Variants in SLC24A2 observed in about 807,000 individuals in gnomAD.
SLC24A2 encodes sodium/potassium/calcium exchanger 2.
A neutral mutation model predicts 62.0 loss-of-function variants in SLC24A2; 36 were observed. The observed-to-expected ratio is 0.58, with a 90% CI of 0.44 to 0.77. The LOEUF is 0.77. Among genes scored for constraint, SLC24A2 ranks in the 30% least tolerant of loss-of-function variants. SLC24A2 has a pLI of 0.00. For missense variants in SLC24A2, 846 were observed against 817.9 expected (o/e 1.03, Z -0.42); for synonymous variants, 358 against 294.0 (o/e 1.22, Z -2.23).
At chr9:20,116,818 G>A in the SLC24A2 span, among the ~76,000 whole-genome samples, 4 of 152,058 alleles carry the variant, frequency 2.6e-5, no homozygotes, top group South Asian at 2.1e-4. Flanking sequence ...TTGTTTCTGC[G>A]CTTAATGAAA....
the SLC24A2 span, among the ~76,000 whole-genome samples, chr9:20,258,240 A>T: frequency 6.6e-6 from 1 of 152,254 alleles, no homozygotes; most frequent in African/African-American, 2.4e-5. Flanking sequence ...GACCAGATTA[A>T]GGGATACCCA....
the SLC24A2 span, among the ~76,000 whole-genome samples, chr9:19,859,399 T>C: frequency 4.0e-3 from 609 of 152,236 alleles, 3 homozygotes; most frequent in African/African-American, 0.014. Context: ...TTGAGCACTA[T>C]GCTTATTACC....
At chr9:19,835,963 C>A in the SLC24A2 span, among the ~76,000 whole-genome samples, 1 of 152,148 alleles carries the variant, frequency 6.6e-6, no homozygotes, top group Non-Finnish European at 1.5e-5. Context: ...GAACAACCTG[C>A]TCCTGAATGA....
In SLC24A2 at chr9:19,786,313, G is replaced by T. The variant is rs2118947812; in HGVS notation, c.554C>A (p.Ser185Ter). ...AGATFMAAGG[S>*]APELFTSLIG... ...GAGAGATGTGAAAAGTTCTGGGGCT[G>T]ACCCTCCTGCAGCCATGAAGGTGGC... Residue 185 changes from serine to a stop codon, truncating the protein, a stop_gained, in exon 2 of 11, where the codon TCA becomes TAA. Transcript: ENST00000341998. LOFTEE classifies it high-confidence loss of function. This position sits in a 1 kb window ranked among gnomAD's most constrained non-coding sequence, Gnocchi z 5.0. 1.2e-6 allele frequency: 2 copies of T among 1,614,150 alleles called. No individual in the cohort carries two copies. Among genetic ancestry groups the T allele is most frequent in the South Asian group, 1.1e-5 (1 of 91,080 alleles).
chr9:19,911,841 G>A, the SLC24A2 span, among the ~76,000 whole-genome samples: 6 of 152,114 alleles, frequency 3.9e-5, no homozygotes, highest in Admixed American at 3.3e-4. Context: ...CAGCACACTG[G>A]GTTCTCTTTC....
the SLC24A2 span, among the ~76,000 whole-genome samples, chr9:20,063,041 G>A: frequency 8.5e-6 from 1 of 117,454 alleles, no homozygotes; most frequent in African/African-American, 3.6e-5. Flanking sequence ...TACACTGTTG[G>A]TGGGACTGTA....
chr9:19,848,031 C>A, the SLC24A2 span, among the ~76,000 whole-genome samples: 3 of 152,202 alleles, frequency 2.0e-5, no homozygotes, highest in Non-Finnish European at 4.4e-5. Context: ...CAACCATCAG[C>A]AACTACCTTG....
the SLC24A2 span, among the ~76,000 whole-genome samples, chr9:20,304,916 C>T: frequency 1.3e-5 from 2 of 151,894 alleles, no homozygotes; most frequent in African/African-American, 4.8e-5. Context: ...AGCAACCCTA[C>T]TGCCAGTCTC....
chr9:19,556,383 T>G (rs189795227), intron 7 of SLC24A2, among the ~76,000 whole-genome samples: 1 of 152,218 alleles, frequency 6.6e-6, no homozygotes, highest in Non-Finnish European at 1.5e-5. Flanking sequence ...GGTTTCTTAT[T>G]TTTTGTCTGT....
upstream of SLC24A2, among the ~76,000 whole-genome samples, chr9:19,791,549 C>A (rs930488441): frequency 2.6e-5 from 4 of 152,122 alleles, no homozygotes; most frequent in Non-Finnish European, 5.9e-5. Context: ...GACAGTTGAC[C>A]AAGAACTTGG....
At chr9:19,889,540 A>G in the SLC24A2 span, among the ~76,000 whole-genome samples, 3 of 152,050 alleles carry the variant, frequency 2.0e-5, no homozygotes, top group Middle Eastern at 3.2e-3. Context: ...TTCTTCCCCT[A>G]TTGTCTTTTC....
the SLC24A2 span, among the ~76,000 whole-genome samples, chr9:19,899,994 C>A: frequency 3.3e-5 from 5 of 152,142 alleles, no homozygotes; most frequent in Admixed American, 6.5e-5. Context: ...AACCATATCA[C>A]ATGTTATATG....
chr9:19,922,750 A>T, the SLC24A2 span, among the ~76,000 whole-genome samples: 1 of 152,154 alleles, frequency 6.6e-6, no homozygotes. Flanking sequence ...CCCTTCTGGG[A>T]TTCATTCCTA....
chr9:19,838,961 G>A, the SLC24A2 span, among the ~76,000 whole-genome samples: 5 of 152,034 alleles, frequency 3.3e-5, no homozygotes, highest in African/African-American at 1.2e-4. Context: ...GCAACCTACA[G>A]AATGGGAGAA....
Position 19,650,348 on chromosome 9 carries a change from C to A in SLC24A2, c.931-28049G>T, listed in dbSNP as rs76890498. Among the ~76,000 whole-genome samples, 1,255 of 152,222 alleles carry A rather than the reference C, an allele frequency of 8.2e-3. 18 individuals carry two copies. The highest frequency in any genetic ancestry group is 0.027 in the African/African-American group (1,134 of 41,522). On this transcript the variant is annotated intron_variant, in intron 2 of 10. Coordinates refer to ENST00000341998, the MANE Select transcript of SLC24A2 (RefSeq NM_020344.4). ...TGTCCACTGGGTAAGAGAAACAGAG[C>A]CCAAAATGGATTTCTGCAGGTACCC...
At chr9:19,570,755 A>G (rs1835814078) in intron 7 of SLC24A2, among the ~76,000 whole-genome samples, 1 of 152,218 alleles carries the variant, frequency 6.6e-6, no homozygotes, top group African/African-American at 2.4e-5. Context: ...AGATGAGGCA[A>G]CTAAATTAAA....
At chr9:19,533,719 C>T (rs970594095) in intron 8 of SLC24A2, among the ~76,000 whole-genome samples, 1 of 152,148 alleles carries the variant, frequency 6.6e-6, no homozygotes, top group Admixed American at 6.5e-5. Flanking sequence ...TGAGCACAAC[C>T]CAAATTGCCA....
At chr9:20,037,213 C>T in the SLC24A2 span, among the ~76,000 whole-genome samples, 1 of 152,088 alleles carries the variant, frequency 6.6e-6, no homozygotes, top group Non-Finnish European at 1.5e-5. Flanking sequence ...TTTAAATCAT[C>T]TATAGATTAC....
At chr9:19,951,248 G>C in the SLC24A2 span, among the ~76,000 whole-genome samples, 1 of 146,916 alleles carries the variant, frequency 6.8e-6, no homozygotes, top group Non-Finnish European at 1.5e-5. Context: ...GTGTGTGTGT[G>C]TGTGTGTGTG....
Sources: allele counts gnomAD v4.1 joint callset (sites outside exome capture counted in the v4.1 genomes callset), GRCh38; gene constraint gnomAD v4.1.1; non-coding constraint Gnocchi (gnomAD v3.1); transcripts MANE v1.5; gene names NCBI Gene and HGNC (gene_info 2026-07-23, HGNC 2026-07-21).